VAT1L: variants seen among roughly 807,000 people sequenced by gnomAD.
The protein encoded by VAT1L is putative NADPH-dependent quinone oxidoreductase VAT1L.
In VAT1L, 34 loss-of-function variants were observed where a neutral mutation model predicts 44.1. The observed-to-expected ratio is 0.77, with a 90% CI of 0.59 to 1.03. The LOEUF (loss-of-function observed/expected upper bound fraction) is 1.03. Ranked by LOEUF, VAT1L falls within the 50% of genes least tolerant of loss-of-function variation. VAT1L has a pLI of 0.00. For missense variants in VAT1L, 615 were observed against 538.8 expected (o/e 1.14, Z -1.40); for synonymous variants, 253 against 202.2 (o/e 1.25, Z -2.13).
chr16:77,802,255 G>C (rs1286698702), intron 1 of VAT1L, among the ~76,000 whole-genome samples: 1 of 152,070 alleles, frequency 6.6e-6, no homozygotes, highest in Non-Finnish European at 1.5e-5. Flanking sequence ...AGGCCTGTTT[G>C]TTCTTGAATG....
intron 7 of VAT1L, among the ~76,000 whole-genome samples, chr16:77,943,835 G>A (rs941222380): frequency 4.6e-5 from 7 of 152,168 alleles, no homozygotes; most frequent in Admixed American, 3.3e-4. Context: ...CAGTTATTAG[G>A]ATGCAATTAG....
At chr16:77,907,604 T>A (rs975502338) in intron 7 of VAT1L, among the ~76,000 whole-genome samples, 3 of 128,558 alleles carry the variant, frequency 2.3e-5, no homozygotes, top group African/African-American at 8.6e-5. Context: ...CTCTATTACT[T>A]CCAACACAAA....
At chr16:77,838,955 G>A (rs2016671375) in intron 3 of VAT1L, among the ~76,000 whole-genome samples, 1 of 151,808 alleles carries the variant, frequency 6.6e-6, no homozygotes, top group South Asian at 2.1e-4. Flanking sequence ...TGGTCTCTGG[G>A]TATTCCATAG....
At chr16:77,842,538 T>C (rs1460621101) in intron 3 of VAT1L, among the ~76,000 whole-genome samples, 3 of 152,166 alleles carry the variant, frequency 2.0e-5, no homozygotes, top group East Asian at 1.9e-4. Context: ...AGTTCTTAAA[T>C]AGGAGTTTTC....
chr16:77,970,741 A>G (rs2018270146), intron 7 of VAT1L, among the ~76,000 whole-genome samples: 1 of 152,230 alleles, frequency 6.6e-6, no homozygotes, highest in African/African-American at 2.4e-5. Context: ...GTTCCAGAAA[A>G]GCAATTAGAA....
intron 7 of VAT1L, among the ~76,000 whole-genome samples, chr16:77,933,064 A>G (rs571269983): frequency 6.6e-6 from 1 of 152,324 alleles, no homozygotes; most frequent in South Asian, 2.1e-4. Flanking sequence ...TAGGAAAAAG[A>G]GAACCAGATA....
chr16:77,878,214 A>C (rs575711571), intron 5 of VAT1L, among the ~76,000 whole-genome samples: 1 of 152,312 alleles, frequency 6.6e-6, no homozygotes, highest in South Asian at 2.1e-4. Context: ...ATGCTGGTGT[A>C]AGGGTAATTG....
At chr16:77,860,318 T>C (rs1294641093) in intron 3 of VAT1L, among the ~76,000 whole-genome samples, 1 of 152,140 alleles carries the variant, frequency 6.6e-6, no homozygotes, top group African/African-American at 2.4e-5. Context: ...TTTGGATCAG[T>C]TGAGTGTGAT....
At chr16:77,803,482 C>A (rs1301922799) in intron 1 of VAT1L, among the ~76,000 whole-genome samples, 1 of 132,570 alleles carries the variant, frequency 7.5e-6, no homozygotes. Flanking sequence ...TGCAATGGTG[C>A]GATCTCGGCT....
intron 7 of VAT1L, among the ~76,000 whole-genome samples, chr16:77,948,423 A>G (rs1394287803): frequency 6.6e-6 from 1 of 152,230 alleles, no homozygotes. Flanking sequence ...CATCAAACAT[A>G]TGCTGGGTCC....
chr16:77,789,022 G>T (rs972257222), intron 1 of VAT1L, 107 bp downstream of exon 1: 7 of 1,310,738 alleles, frequency 5.3e-6, no homozygotes, highest in African/African-American at 1.6e-5. Context: ...ACCGCCGCGC[G>T]CACCCCCTCC....
chr16:77,915,049 C>T (rs1476450189), intron 7 of VAT1L, among the ~76,000 whole-genome samples: 2 of 151,986 alleles, frequency 1.3e-5, no homozygotes, highest in African/African-American at 2.4e-5. Flanking sequence ...CGCTTGAACC[C>T]GGGAGGCGGA....
intron 1 of VAT1L, among the ~76,000 whole-genome samples, chr16:77,812,971 A>G (rs1415349644): frequency 6.6e-6 from 1 of 152,028 alleles, no homozygotes; most frequent in Non-Finnish European, 1.5e-5. Context: ...TTCCAACACT[A>G]TTTCTTTTTT....
In VAT1L at chr16:77,865,542, A is replaced by C. The variant is rs55781227; in HGVS notation, c.722+2652A>C. 2.8e-3 allele frequency among the ~76,000 whole-genome samples: 432 copies of C among 152,316 alleles called. 2 individuals carry two copies. The highest frequency in any genetic ancestry group is 0.01 in the African/African-American group (423 of 41,568). On this transcript the variant is annotated intron_variant, in intron 4 of 8. Transcript: ENST00000302536. ...ACGGAGGGAGAGGGGACAAAAAATAAAACTATAAAGAGAAATAACTGATTC... is the reference window on the plus strand; with the variant it reads ...ACGGAGGGAGAGGGGACAAAAAATACAACTATAAAGAGAAATAACTGATTC...
At chr16:77,921,710 C>G (rs553657624) in intron 7 of VAT1L, among the ~76,000 whole-genome samples, 1 of 152,170 alleles carries the variant, frequency 6.6e-6, no homozygotes, top group Non-Finnish European at 1.5e-5. Context: ...CACCTCAAAT[C>G]CTACTTGAAT....
intron 7 of VAT1L, among the ~76,000 whole-genome samples, chr16:77,956,075 T>C (rs1344752378): frequency 6.6e-6 from 1 of 151,888 alleles, no homozygotes; most frequent in Non-Finnish European, 1.5e-5. Flanking sequence ...ACTAAAAGAG[T>C]ATAATTGGAT....
rs930435548 is a variant in VAT1L, at chr16:77,879,623, T to C, written c.882+399T>C. Among the ~76,000 whole-genome samples the C allele has an allele frequency of 1.3e-5, 2 of 152,200 alleles. No individual in the cohort carries two copies. Among genetic ancestry groups the C allele is most frequent in the African/African-American group, 4.8e-5 (2 of 41,446 alleles). On this transcript the variant is annotated intron_variant, in intron 6 of 8. Transcript: ENST00000302536. The surrounding 1 kb of genome is among the most constrained non-coding windows in gnomAD (Gnocchi z 4.1). Reference sequence around the variant, plus strand: ...ATCATAAGGCATTGACTTAATCTTGTCTTTCAATTTCCTCGTTCATTTCCC... The same window carrying C: ...ATCATAAGGCATTGACTTAATCTTGCCTTTCAATTTCCTCGTTCATTTCCC...
At chr16:77,970,051 T>C (rs1163961276) in intron 7 of VAT1L, among the ~76,000 whole-genome samples, 1 of 86,820 alleles carries the variant, frequency 1.2e-5, no homozygotes, top group African/African-American at 4.8e-5. Flanking sequence ...ACATCTCTAC[T>C]AAAAAAAAAA....
intron 7 of VAT1L, among the ~76,000 whole-genome samples, chr16:77,908,796 C>T (rs972887316): frequency 1.3e-5 from 2 of 152,104 alleles, no homozygotes; most frequent in African/African-American, 2.4e-5. Flanking sequence ...CACCTGCAGT[C>T]CCAGCTACTT....
Sources: allele counts gnomAD v4.1 joint callset (sites outside exome capture counted in the v4.1 genomes callset), GRCh38; gene constraint gnomAD v4.1.1; non-coding constraint Gnocchi (gnomAD v3.1); transcripts MANE v1.5; gene names NCBI Gene and HGNC (gene_info 2026-07-23, HGNC 2026-07-21).